Variants in IFI44L observed in about 807,000 individuals in gnomAD.
IFI44L encodes interferon induced protein 44 like.
Under a neutral mutation model 39.3 loss-of-function variants are expected in IFI44L, and 40 were observed. The observed-to-expected ratio is 1.02, with a 90% CI of 0.79 to 1.33. The LOEUF (loss-of-function observed/expected upper bound fraction) is 1.33. Among genes scored for constraint, IFI44L ranks in the 40% most tolerant of loss-of-function variants. The probability of loss-of-function intolerance (pLI) is 0.00; values close to 1 mark genes in which losing one functional copy is unlikely to be tolerated. For synonymous variants in IFI44L, 198 were observed against 182.3 expected (o/e 1.09, Z -0.69); for missense variants, 623 against 549.0 (o/e 1.13, Z -1.35).
At position 78,627,924 on chromosome 1, in the gene IFI44L, GACA is replaced by G; in HGVS notation, c.14_16del (p.Thr5del). On this transcript the variant is annotated inframe_deletion, in exon 2 of 9. Coordinates refer to ENST00000370751, the MANE Select transcript of IFI44L (RefSeq NM_006820.4). ...CCATTAGATATAGAACAATGGAAGTGACAACAAGATTGACATGGAATGATGAAA... is the reference window on the plus strand; with the variant it reads ...CCATTAGATATAGAACAATGGAAGTGACAAGATTGACATGGAATGATGAAA... 2 of 1,589,314 alleles carry G rather than the reference GACA, an allele frequency of 1.3e-6. No individual in the cohort carries two copies. The highest frequency in any genetic ancestry group is 1.7e-6 in the Non-Finnish European group (2 of 1,168,122).
intron 1 of IFI44L, among the ~76,000 whole-genome samples, chr1:78,623,699 T>TTCA (rs2100471406): frequency 6.6e-6 from 1 of 152,142 alleles, no homozygotes; most frequent in Non-Finnish European, 1.5e-5. Flanking sequence ...GAGCCAGTGG[T>TTCA]GGAACTCCCA....
Position 78,637,108 on chromosome 1 carries a change from G to A in IFI44L, c.953G>A (p.Cys318Tyr), listed in dbSNP as rs374146000. ...CCATCTCTGAAGGACAGGATTCACT[G>A]TGTGGCTTATGTCTTAGACATCAAC... ...TSPSLKDRIH[C>Y]VAYVLDINSI... Residue 318 changes from cysteine to tyrosine, a missense_variant, in exon 6 of 9, where the codon TGT becomes TAT. By Grantham distance (194) the Cys-to-Tyr change is radical. Transcript: ENST00000370751. The A allele has an allele frequency of 2.5e-6, 4 of 1,611,082 alleles. No homozygotes were observed. In the Admixed American group the frequency reaches 6.7e-5, roughly 27 times the overall value.
chr1:78,620,605 T>C (rs1375677962), intron 1 of IFI44L, 34 bp downstream of exon 1: 2 of 152,200 alleles, frequency 1.3e-5, no homozygotes, highest in African/African-American at 4.8e-5. Context: ...ATAGTATTTG[T>C]ACGTATTTAT....
In IFI44L at chr1:78,623,085, G is replaced by A. The variant is rs530005650; in HGVS notation, c.-11+2514G>A. 8.8e-4 allele frequency among the ~76,000 whole-genome samples: 134 copies of A among 152,266 alleles called. 1 individual carries two copies. Among genetic ancestry groups the A allele is most frequent in the African/African-American group, 3.0e-3 (126 of 41,550 alleles). On this transcript the variant is annotated intron_variant, in intron 1 of 8. Coordinates refer to ENST00000370751, the MANE Select transcript of IFI44L (RefSeq NM_006820.4). ...AATTAGTTAATACTATTACTTTATCGGTAGATGCTTTAAGGTTTTCCACAT... is the reference window on the plus strand; with the variant it reads ...AATTAGTTAATACTATTACTTTATCAGTAGATGCTTTAAGGTTTTCCACAT...
chr1:78,642,481 A>G lies in IFI44L; in HGVS notation c.*672A>G, dbSNP rs1646999147. On this transcript the variant is annotated 3_prime_UTR_variant, in exon 9 of 9. Transcript: ENST00000370751. ...CCTGTAGTCCCAGTTACTCAGGATG[A>G]TTGATTGAGCCTTGGAGGTGGAGGC... The G allele has an allele frequency of 6.6e-6, 1 of 151,958 alleles. No individual in the cohort carries two copies. Among genetic ancestry groups the G allele is most frequent in the South Asian group, 2.1e-4 (1 of 4,816 alleles). The allele number at this position is 151,958 out of a possible 1,614,324, so 9.4% of individuals were successfully genotyped here. A position where few individuals can be genotyped will look rare whatever the true frequency, so the allele number is the denominator to read the frequency against.
chr1:78,631,290 T>A (rs570671528), intron 4 of IFI44L, among the ~76,000 whole-genome samples: 1 of 152,296 alleles, frequency 6.6e-6, no homozygotes, highest in African/African-American at 2.4e-5. Context: ...TTGGTGTTCC[T>A]GAAATTTTAC....
Position 78,646,068 on chromosome 1 carries a change from A to T in IFI44L, c.*4259A>T, listed in dbSNP as rs927299606. 4 of 152,196 alleles carry T rather than the reference A, an allele frequency of 2.6e-5. No homozygotes were observed. The highest frequency in any genetic ancestry group is 5.9e-5 in the Non-Finnish European group (4 of 68,028). The allele number at this position is 152,196 out of a possible 1,614,324, so 9.4% of individuals were successfully genotyped here. ...CGTGTAAATATATTTTTTCATTTTT[A>T]AAAATTGATTTCTTTTGCACATTCC... is the stretch of plus-strand genomic sequence containing the variant. On this transcript the variant is annotated 3_prime_UTR_variant, in exon 9 of 9. Transcript: ENST00000370751.
At chr1:78,623,416 TTTTTTTTTTTA>T (rs1652358529) in intron 1 of IFI44L, among the ~76,000 whole-genome samples, 1 of 149,210 alleles carries the variant, frequency 6.7e-6, no homozygotes, top group Non-Finnish European at 1.5e-5. Flanking sequence ...TTTTTTTTTT[TTTTTTTTTTTA>T]AATCATGGAA....
intron 6 of IFI44L, among the ~76,000 whole-genome samples, chr1:78,639,584 T>C (rs1168296427): frequency 1.3e-5 from 2 of 152,112 alleles, no homozygotes; most frequent in Non-Finnish European, 2.9e-5. Flanking sequence ...CTCTGTATTG[T>C]TTCTTGGGTC....
At chr1:78,630,641 G>A (rs1031110365) in intron 4 of IFI44L, among the ~76,000 whole-genome samples, 1 of 152,124 alleles carries the variant, frequency 6.6e-6, no homozygotes, top group African/African-American at 2.4e-5. Flanking sequence ...ATTGTCACTT[G>A]TTAGGGAATA....
At chr1:78,639,874 A>C (rs1158142995) in intron 6 of IFI44L, among the ~76,000 whole-genome samples, 3 of 152,132 alleles carry the variant, frequency 2.0e-5, no homozygotes, top group Non-Finnish European at 4.4e-5. Flanking sequence ...TAATGTATAG[A>C]GCATGGTCTT....
Position 78,641,523 on chromosome 1 carries a change from T to C in IFI44L, c.1238T>C (p.Met413Thr). The C allele has an allele frequency of 6.2e-7, 1 of 1,613,762 alleles. No homozygotes were observed. The highest frequency in any genetic ancestry group is 8.5e-7 in the Non-Finnish European group (1 of 1,179,710). ...NYASDLELDP[M>T]KDILILSALR... is the part of the protein sequence containing the mutation. ...GCTTCAGATTTGGAACTGGACCCCATGAAGGATATTCTCATCCTCTCTGCA... is the reference window on the plus strand; with the variant it reads ...GCTTCAGATTTGGAACTGGACCCCACGAAGGATATTCTCATCCTCTCTGCA... Residue 413 changes from methionine (M) to threonine (T), a missense_variant, in exon 8 of 9, where the codon ATG becomes ACG. By Grantham distance (81) the Met-to-Thr change is moderately conservative. Coordinates refer to ENST00000370751, the MANE Select transcript of IFI44L (RefSeq NM_006820.4).
Position 78,637,094 on chromosome 1 carries a change from G to A in IFI44L, c.939G>A (p.Lys313=). ...HSTFITSPSL[K]DRIHCVAYVL... ...CTTTTATCACCTCTCCATCTCTGAAGGACAGGATTCACTGTGTGGCTTATG... is the reference window on the plus strand; with the variant it reads ...CTTTTATCACCTCTCCATCTCTGAAAGACAGGATTCACTGTGTGGCTTATG... The change falls in exon 6 of 9, where the codon AAG becomes AAA. Residue 313 remains lysine, a synonymous_variant. Coordinates refer to ENST00000370751, the MANE Select transcript of IFI44L (RefSeq NM_006820.4). 1 of 1,611,870 alleles carries A rather than the reference G, an allele frequency of 6.2e-7. No homozygotes were observed. The highest frequency in any genetic ancestry group is 1.1e-5 in the South Asian group (1 of 90,960).
chr1:78,632,082 A>C (rs914800567), intron 4 of IFI44L, among the ~76,000 whole-genome samples: 3 of 152,302 alleles, frequency 2.0e-5, no homozygotes, highest in Non-Finnish European at 4.4e-5. Context: ...GAAAATTGGC[A>C]GTTGTCTTTA....
chr1:78,629,718 A>C lies in IFI44L; in HGVS notation c.528-2A>C. On this transcript the variant is annotated splice_acceptor_variant, in intron 3 of 8. Transcript: ENST00000370751. LOFTEE classifies it high-confidence loss of function. ...CTGTATTTAACCACTATATTTTAAC[A>C]GGCACAGAAATAGGCTTCTAGCAGA... is the stretch of plus-strand genomic sequence containing the variant. The C allele has an allele frequency of 6.2e-7, 1 of 1,604,178 alleles. No individual in the cohort carries two copies.
intron 6 of IFI44L, among the ~76,000 whole-genome samples, chr1:78,637,999 A>G (rs12037966): frequency 0.063 from 9,523 of 152,138 alleles, 616 homozygotes; most frequent in East Asian, 0.39. Flanking sequence ...TTAGCTTTGA[A>G]AGAGATCACC....
At chr1:78,640,914 T>C (rs1646975683) in intron 6 of IFI44L, 107 bp from the exon 7 acceptor site, 2 of 709,850 alleles carry the variant, frequency 2.8e-6, no homozygotes, top group East Asian at 5.2e-5. Flanking sequence ...TATTTCATTC[T>C]TCAGCTCTCA....
Position 78,628,286 on chromosome 1 carries a change from T to C in IFI44L, c.371T>C (p.Ile124Thr). 1.2e-6 allele frequency: 2 copies of C among 1,606,626 alleles called. No homozygotes were observed. Among genetic ancestry groups the C allele is most frequent in the Non-Finnish European group, 8.5e-7 (1 of 1,174,802 alleles). Residue 124 changes from isoleucine (I) to threonine (T), a missense_variant, in exon 2 of 9, where the codon ATA becomes ACA. By Grantham distance (89) the Ile-to-Thr change is moderately conservative. Transcript: ENST00000370751. ...TTATCGAAAACGGATATTTTCATTA[T>C]ATGTCGAGATAATAAAATTTATCTA... ...CRLSKTDIFI[I>T]CRDNKIYLDK... is the part of the protein sequence containing the mutation.
At chr1:78,624,841 C>G (rs1292459198) in intron 1 of IFI44L, among the ~76,000 whole-genome samples, 1 of 152,098 alleles carries the variant, frequency 6.6e-6, no homozygotes, top group African/African-American at 2.4e-5. Context: ...TCCTTCATAG[C>G]CTGTTATGAC....
Sources: allele counts gnomAD v4.1 joint callset (sites outside exome capture counted in the v4.1 genomes callset), GRCh38; gene constraint gnomAD v4.1.1; transcripts MANE v1.5; gene names NCBI Gene and HGNC (gene_info 2026-07-23, HGNC 2026-07-21).